The following LUZP2 variants were observed in gnomAD, a reference collection of about 807,000 sequenced individuals.
LUZP2 encodes leucine zipper protein 2.
Under a neutral mutation model 51.6 loss-of-function variants are expected in LUZP2, and 52 were observed. The observed-to-expected ratio is 1.01, with a 90% confidence interval of 0.81 to 1.27. The LOEUF (loss-of-function observed/expected upper bound fraction) is 1.27. LUZP2 is among the 50% of genes most tolerant of loss of function. The probability of loss-of-function intolerance (pLI) is 0.00; values close to 1 mark genes in which losing one functional copy is unlikely to be tolerated. For synonymous variants in LUZP2, 154 were observed against 137.3 expected, an observed-to-expected ratio of 1.12 and a Z score of -0.85; for missense variants, 436 against 395.4, an observed-to-expected ratio of 1.10 and a Z score of -0.87.
intron 1 of LUZP2, among the ~76,000 whole-genome samples, chr11:24,540,519 C>T (rs368430954): frequency 2.2e-4 from 34 of 152,254 alleles, no homozygotes; most frequent in African/African-American, 7.7e-4. Flanking sequence ...GCCCTCTCAC[C>T]TGGAACCAAA....
chr11:24,933,152 C>T (rs773455436), intron 7 of LUZP2, among the ~76,000 whole-genome samples: 4 of 152,320 alleles, frequency 2.6e-5, no homozygotes, highest in Admixed American at 6.5e-5. Context: ...TTCACACTTT[C>T]GGTGCTCAGA....
At chr11:24,623,451 C>T (rs983660415) in intron 1 of LUZP2, among the ~76,000 whole-genome samples, 1 of 152,088 alleles carries the variant, frequency 6.6e-6, no homozygotes, top group Admixed American at 6.6e-5. Context: ...TGGAATTTTG[C>T]AGGCTTTTGT....
intron 5 of LUZP2, chr11:24,785,987 AC>A (rs1270125023): frequency 1.0e-6 from 1 of 985,238 alleles, no homozygotes; most frequent in Non-Finnish European, 1.2e-6. Flanking sequence ...TACAAGCTTC[AC>A]ATTTGACCCT....
intron 7 of LUZP2, among the ~76,000 whole-genome samples, chr11:24,963,483 C>G (rs1282680563): frequency 6.6e-6 from 1 of 152,190 alleles, no homozygotes; most frequent in African/African-American, 2.4e-5. Flanking sequence ...GTGCCCCTCC[C>G]CCAGCCCCGC....
intron 7 of LUZP2, among the ~76,000 whole-genome samples, chr11:24,948,823 T>C (rs1590762709): frequency 3.6e-5 from 2 of 54,812 alleles, no homozygotes; most frequent in Middle Eastern, 9.6e-3. Context: ...TATCTATCTA[T>C]CATCTATCTA....
chr11:24,895,456 C>T (rs1853010074), intron 5 of LUZP2, among the ~76,000 whole-genome samples: 1 of 152,004 alleles, frequency 6.6e-6, no homozygotes, highest in African/African-American at 2.4e-5. Context: ...AGCATGAATG[C>T]TATCACCCAG....
intron 1 of LUZP2, among the ~76,000 whole-genome samples, chr11:24,546,719 T>C (rs1307131173): frequency 6.6e-6 from 1 of 152,094 alleles, no homozygotes; most frequent in Non-Finnish European, 1.5e-5. Context: ...TCAAAGATAT[T>C]GGCCAGAAGT....
chr11:24,914,998 T>G (rs894920091), intron 7 of LUZP2, among the ~76,000 whole-genome samples: 1 of 152,194 alleles, frequency 6.6e-6, no homozygotes, highest in African/African-American at 2.4e-5. Context: ...GCATCAACTT[T>G]CAGATATTAT....
chr11:24,600,789 A>G (rs1455365886), intron 1 of LUZP2, among the ~76,000 whole-genome samples: 2 of 145,762 alleles, frequency 1.4e-5, no homozygotes, highest in African/African-American at 5.7e-5. Flanking sequence ...CATGGTATGC[A>G]TTTGCATTAC....
intron 9 of LUZP2, among the ~76,000 whole-genome samples, chr11:25,004,310 A>C (rs2133947806): frequency 6.6e-6 from 1 of 152,238 alleles, no homozygotes; most frequent in Non-Finnish European, 1.5e-5. Context: ...AATACTGCTA[A>C]CAAGCCCTAC....
chr11:24,543,721 T>G (rs1851450671), intron 1 of LUZP2, among the ~76,000 whole-genome samples: 1 of 146,396 alleles, frequency 6.8e-6, no homozygotes, highest in South Asian at 2.1e-4. Context: ...CTCAGGAAGC[T>G]GAGGCAGGAG....
intron 9 of LUZP2, among the ~76,000 whole-genome samples, chr11:25,014,018 C>G (rs1022354481): frequency 6.6e-6 from 1 of 151,902 alleles, no homozygotes; most frequent in African/African-American, 2.4e-5. Context: ...TTTGTCCCTG[C>G]GATAGTTTGC....
intron 10 of LUZP2, among the ~76,000 whole-genome samples, chr11:25,058,357 G>T (rs1282026924): frequency 3.9e-5 from 6 of 152,104 alleles, no homozygotes; most frequent in Admixed American, 2.0e-4. Flanking sequence ...AAGAAAAATG[G>T]TTAATCTATT....
chr11:24,969,472 T>C (rs1855684564), intron 7 of LUZP2, among the ~76,000 whole-genome samples: 1 of 152,154 alleles, frequency 6.6e-6, no homozygotes, highest in Admixed American at 6.6e-5. Flanking sequence ...TTTTTATGTT[T>C]TATTTTATTC....
In LUZP2 at chr11:24,534,333, G is replaced by T. The variant is rs138479350; in HGVS notation, c.62+37028G>T. Among the ~76,000 whole-genome samples, 458 of 150,902 alleles carry T rather than the reference G, an allele frequency of 3.0e-3. 3 individuals carry two copies. Among genetic ancestry groups the T allele is most frequent in the African/African-American group, 0.011 (434 of 41,280 alleles). On this transcript the variant is annotated intron_variant, in intron 1 of 11. Transcript: ENST00000336930. ...ATAAATACATGTATATTTCCATATA[G>T]AGAGAGAGCAACAAGCTCTTTCTAT...
intron 9 of LUZP2, among the ~76,000 whole-genome samples, chr11:25,047,689 C>T (rs1565279281): frequency 6.6e-6 from 1 of 152,142 alleles, no homozygotes; most frequent in East Asian, 1.9e-4. Flanking sequence ...TATACCTGGT[C>T]ATTTTAATTG....
chr11:24,578,715 G>A (rs900014682), intron 1 of LUZP2, among the ~76,000 whole-genome samples: 10 of 152,084 alleles, frequency 6.6e-5, no homozygotes, highest in African/African-American at 1.4e-4. Context: ...TCACTTATAA[G>A]TGGAAGCTAA....
intron 10 of LUZP2, among the ~76,000 whole-genome samples, chr11:25,075,919 C>T (rs1242987521): frequency 6.6e-6 from 1 of 151,984 alleles, no homozygotes; most frequent in Non-Finnish European, 1.5e-5. Flanking sequence ...AGCTCTCTAT[C>T]CCCTGATTCA....
At chr11:24,820,303 T>C (rs570423393) in intron 5 of LUZP2, among the ~76,000 whole-genome samples, 2 of 152,264 alleles carry the variant, frequency 1.3e-5, no homozygotes, top group Non-Finnish European at 2.9e-5. Context: ...AAGAGCATGT[T>C]TGACACTATG....
Sources: allele counts gnomAD v4.1 joint callset (sites outside exome capture counted in the v4.1 genomes callset), GRCh38; gene constraint gnomAD v4.1.1; transcripts MANE v1.5; gene names NCBI Gene and HGNC (gene_info 2026-07-23, HGNC 2026-07-21).